CSMD2: variants seen among roughly 807,000 people sequenced by gnomAD.
CSMD2 encodes CUB and sushi domain-containing protein 2.
A neutral mutation model predicts 398.5 loss-of-function variants in CSMD2; 130 were observed. The ratio of observed to expected loss-of-function variants is 0.33; its 90% CI spans 0.28 to 0.38. CSMD2 has a LOEUF of 0.38. Ranked by LOEUF, CSMD2 falls within the 10% of genes least tolerant of loss-of-function variation. The probability of loss-of-function intolerance (pLI) is 1.00; values close to 1 mark genes in which losing one functional copy is unlikely to be tolerated. For missense variants in CSMD2, 3,829 were observed against 4,764.9 expected, an observed-to-expected ratio of 0.80 and a Z score of 5.78; for synonymous variants, 1,828 against 1,908.5, an observed-to-expected ratio of 0.96 and a Z score of 1.10.
intron 1 of CSMD2, among the ~76,000 whole-genome samples, chr1:34,110,102 A>G (rs1174539489): frequency 6.6e-6 from 1 of 151,922 alleles, no homozygotes; most frequent in African/African-American, 2.4e-5. Flanking sequence ...AAAGCTCAAT[A>G]TCATTGATCA....
rs369242700 is a variant in CSMD2 at position 33,537,619 on chromosome 1, C to T, written c.9632-10G>A. On this transcript the variant is annotated splice_polypyrimidine_tract_variant and intron_variant, in intron 60 of 70. Coordinates refer to ENST00000373381, the MANE Select transcript of CSMD2 (RefSeq NM_001281956.2). This position sits in a 1 kb window ranked among gnomAD's most constrained non-coding sequence, Gnocchi z 4.6. ...TCCCCGCAGAACACAGCTGGGAAGACGAAGGGAGAAAGGCAGGTCTAAGTT... is the reference window on the plus strand; with the variant it reads ...TCCCCGCAGAACACAGCTGGGAAGATGAAGGGAGAAAGGCAGGTCTAAGTT... 75 of 1,605,384 alleles carry T rather than the reference C, an allele frequency of 4.7e-5. No homozygotes were observed. In the African/African-American group the frequency reaches 4.8e-4, roughly 10 times the overall value.
chr1:34,049,964 G>A (rs779582435), intron 2 of CSMD2, among the ~76,000 whole-genome samples: 13 of 152,160 alleles, frequency 8.5e-5, no homozygotes, highest in Non-Finnish European at 1.6e-4. Flanking sequence ...CTCTCTTGCC[G>A]ACCCTGTCTG....
chr1:34,150,306 A>G (rs1359785127), intron 1 of CSMD2, among the ~76,000 whole-genome samples: 1 of 151,976 alleles, frequency 6.6e-6, no homozygotes, highest in Non-Finnish European at 1.5e-5. Context: ...GTTGGTCTTG[A>G]ACTACTGGCC....
At chr1:33,595,049 T>C (rs1036745872) in intron 44 of CSMD2, among the ~76,000 whole-genome samples, 1 of 152,210 alleles carries the variant, frequency 6.6e-6, no homozygotes, top group African/African-American at 2.4e-5. Context: ...ATTGGGAAAT[T>C]AACACTGACA....
chr1:34,038,998 T>C (rs935777876), intron 2 of CSMD2, among the ~76,000 whole-genome samples: 2 of 152,198 alleles, frequency 1.3e-5, no homozygotes, highest in African/African-American at 4.8e-5. Flanking sequence ...TTTCTAACCC[T>C]TGGGATTTGT....
intron 21 of CSMD2, chr1:33,709,577 A>G (rs368665018): frequency 1.8e-5 from 8 of 436,406 alleles, no homozygotes; most frequent in African/African-American, 1.6e-4. Context: ...GCCGTGCCAC[A>G]TACCTATTCA....
chr1:33,547,889 T>A (rs984265528), intron 56 of CSMD2, among the ~76,000 whole-genome samples: 1 of 152,224 alleles, frequency 6.6e-6, no homozygotes, highest in African/African-American at 2.4e-5. Flanking sequence ...TTTGGCTCTG[T>A]GTCCCCATTC....
chr1:33,874,847 T>C (rs1053361246), intron 5 of CSMD2, among the ~76,000 whole-genome samples: 3 of 152,230 alleles, frequency 2.0e-5, no homozygotes, highest in East Asian at 1.9e-4. Context: ...GTATTTTTAA[T>C]GTATTATCTC....
intron 50 of CSMD2, 135 bp from the exon 51 acceptor site, chr1:33,571,861 G>T (rs1169507212): frequency 3.1e-6 from 2 of 637,962 alleles, no homozygotes; most frequent in Non-Finnish European, 4.5e-6. Flanking sequence ...TCTCAGGCAG[G>T]TTTGGTAAAT....
chr1:33,998,637 G>A (rs1214282606), intron 3 of CSMD2, among the ~76,000 whole-genome samples: 2 of 152,214 alleles, frequency 1.3e-5, no homozygotes, highest in African/African-American at 4.8e-5. Flanking sequence ...CCCTGTGGCA[G>A]CCTCAGCTGG....
chr1:33,605,822 G>C (rs892390152), intron 41 of CSMD2: 1 of 1,532,030 alleles, frequency 6.5e-7, no homozygotes, highest in Non-Finnish European at 8.9e-7. Context: ...TGGGGGCCAG[G>C]CACCAGCCTA....
chr1:34,063,483 C>A (rs977902966), intron 2 of CSMD2, among the ~76,000 whole-genome samples: 1 of 152,210 alleles, frequency 6.6e-6, no homozygotes, highest in Admixed American at 6.5e-5. Flanking sequence ...CCATGCAAGT[C>A]CGAAATCCAG....
intron 21 of CSMD2, among the ~76,000 whole-genome samples, chr1:33,713,456 A>G (rs1182707954): frequency 6.6e-6 from 1 of 152,234 alleles, no homozygotes; most frequent in East Asian, 1.9e-4. Context: ...AAAATACTCC[A>G]TGAATGCAGC....
intron 13 of CSMD2, among the ~76,000 whole-genome samples, chr1:33,744,537 T>C (rs1647203057): frequency 6.6e-6 from 1 of 152,058 alleles, no homozygotes; most frequent in African/African-American, 2.4e-5. Flanking sequence ...TGCCAACTAG[T>C]AGCAGACCCT....
chr1:33,979,042 G>A (rs1646069579), intron 3 of CSMD2, among the ~76,000 whole-genome samples: 2 of 152,254 alleles, frequency 1.3e-5, no homozygotes, highest in Non-Finnish European at 2.9e-5. Context: ...CATCATTGCA[G>A]GTACATATAC....
intron 22 of CSMD2, among the ~76,000 whole-genome samples, chr1:33,702,853 T>C (rs1299245491): frequency 6.6e-6 from 1 of 152,170 alleles, no homozygotes; most frequent in Admixed American, 6.5e-5. Context: ...TCGTTAAATC[T>C]ACCTGGAATT....
At chr1:33,719,880 A>G (rs1366828041) in intron 19 of CSMD2, among the ~76,000 whole-genome samples, 1 of 152,214 alleles carries the variant, frequency 6.6e-6, no homozygotes, top group Non-Finnish European at 1.5e-5. Flanking sequence ...AACAGAAGGC[A>G]TTCCCTTTGC....
intron 4 of CSMD2, among the ~76,000 whole-genome samples, chr1:33,926,817 C>T (rs945103617): frequency 2.6e-5 from 4 of 152,172 alleles, no homozygotes; most frequent in Non-Finnish European, 4.4e-5. Context: ...TTAAGTTCTA[C>T]GGAAATCTCT....
chr1:33,572,435 T>C, intron 50 of CSMD2, 71 bp downstream of exon 50: 1 of 1,324,300 alleles, frequency 7.6e-7, no homozygotes. Context: ...TTTAGCTCAC[T>C]CCTTGCAGGA....
Sources: gnomAD v4.1 joint callset for allele counts (sites outside exome capture counted in the v4.1 genomes callset) on GRCh38, gnomAD v4.1.1 for gene constraint, Gnocchi (gnomAD v3.1) non-coding constraint, MANE v1.5 for transcripts, NCBI Gene and HGNC (gene_info 2026-07-23, HGNC 2026-07-21) for gene names.